Variants in SENP6 observed in about 807,000 individuals in gnomAD.
SENP6 encodes the protein sentrin-specific protease 6.
A neutral mutation model predicts 134.5 loss-of-function variants in SENP6; 41 were observed. That is an observed-to-expected ratio of 0.30 (90% CI 0.24 to 0.40). The LOEUF is 0.40. Ranked by LOEUF, SENP6 falls within the 10% of genes least tolerant of loss-of-function variation. The probability of loss-of-function intolerance (pLI) is 1.00; values close to 1 mark genes in which losing one functional copy is unlikely to be tolerated. For missense variants in SENP6, 1,248 were observed against 1,312.5 expected (o/e 0.95, Z 0.76); for synonymous variants, 395 against 429.8 (o/e 0.92, Z 1.00).
intron 7 of SENP6, among the ~76,000 whole-genome samples, chr6:75,653,335 T>A (rs1424574279): frequency 6.6e-6 from 1 of 152,146 alleles, no homozygotes; most frequent in Non-Finnish European, 1.5e-5. Flanking sequence ...CTGGCCTTAC[T>A]TTTTTCTAAT....
At chr6:75,709,922 C>G (rs773191480) in intron 20 of SENP6, among the ~76,000 whole-genome samples, 14 of 152,128 alleles carry the variant, frequency 9.2e-5, no homozygotes, top group African/African-American at 1.7e-4. Flanking sequence ...AAAACAAATT[C>G]AGCTTTCAAG....
At position 75,648,271 on chromosome 6, in the gene SENP6, A is replaced by AT. The variant is rs1261390076; in HGVS notation, c.550+475dup. Among the ~76,000 whole-genome samples, 5 of 152,278 alleles carry AT rather than the reference A, an allele frequency of 3.3e-5. No individual in the cohort carries two copies. In the East Asian group the frequency reaches 9.6e-4, roughly 29 times the overall value. ...TAAGTATTTATATTCATATTGAAAT[A>AT]TTTTTCAATATACTGGTTATTAATC... On this transcript the variant is annotated intron_variant, in intron 7 of 23. Transcript: ENST00000447266.
Position 75,703,180 on chromosome 6 carries a change from G to T in SENP6, c.2716+108G>T, listed in dbSNP as rs143212068. 20 of 942,464 alleles carry T rather than the reference G, an allele frequency of 2.1e-5. 1 individual carries two copies. Among genetic ancestry groups the T allele is most frequent in the Non-Finnish European group, 2.9e-5 (18 of 625,002 alleles). The allele number at this position is 942,464 out of a possible 1,614,324, so 58.4% of individuals were successfully genotyped here. ...AAAAAAAAATCAGGTTAATGACTGG[G>T]TGTGGTGGCTCACGCTTATAATCCC... is the stretch of plus-strand genomic sequence containing the variant. On this transcript the variant is annotated intron_variant, in intron 19 of 23. Transcript: ENST00000447266.
intron 1 of SENP6, among the ~76,000 whole-genome samples, chr6:75,607,841 G>T (rs575814386): frequency 6.6e-6 from 1 of 152,070 alleles, no homozygotes. Context: ...TAAACTCATT[G>T]CAGAACCCAA....
intron 1 of SENP6, among the ~76,000 whole-genome samples, chr6:75,608,825 G>A (rs965745430): frequency 1.3e-5 from 2 of 152,152 alleles, no homozygotes; most frequent in Admixed American, 1.3e-4. Context: ...TAAGCACTCC[G>A]TGTTACTTGA....
chr6:75,619,046 T>A (rs1412035518), intron 1 of SENP6, among the ~76,000 whole-genome samples: 1 of 151,964 alleles, frequency 6.6e-6, no homozygotes, highest in Non-Finnish European at 1.5e-5. Context: ...TAAAAGCAGT[T>A]TTTTATTGTG....
At chr6:75,609,262 C>G (rs2149818511) in intron 1 of SENP6, among the ~76,000 whole-genome samples, 1 of 152,124 alleles carries the variant, frequency 6.6e-6, no homozygotes, top group East Asian at 1.9e-4. Context: ...TCCTGTACCT[C>G]CCCCCAAAGG....
intron 7 of SENP6, among the ~76,000 whole-genome samples, chr6:75,656,031 G>T (rs1562012160): frequency 6.6e-6 from 1 of 151,796 alleles, no homozygotes; most frequent in Admixed American, 6.6e-5. Flanking sequence ...CCTGGCCAAC[G>T]TGGCGAAACC....
chr6:75,677,946 A>G (rs948702484), intron 14 of SENP6: 2 of 152,366 alleles, frequency 1.3e-5, no homozygotes, highest in Non-Finnish European at 2.9e-5. Context: ...CCACAGCGCA[A>G]TCTTGGTGAT....
At chr6:75,623,462 T>C (rs978993789) in intron 2 of SENP6, among the ~76,000 whole-genome samples, 1 of 152,246 alleles carries the variant, frequency 6.6e-6, no homozygotes, top group Non-Finnish European at 1.5e-5. Flanking sequence ...GGAATTACTT[T>C]CTTTTCATTA....
Position 75,709,622 on chromosome 6 carries a change from G to T in SENP6, c.2812G>T (p.Asp938Tyr). 6.2e-7 allele frequency: 1 copy of T among 1,612,654 alleles called. No individual in the cohort carries two copies. Among genetic ancestry groups the T allele is most frequent in the Non-Finnish European group, 8.5e-7 (1 of 1,178,864 alleles). ...ACTCGTCGACTTCTCAGAAGATCAG[G>T]ATAACCAGGTAAAACTTAATGCTTG... is the stretch of plus-strand genomic sequence containing the variant. The part of the protein sequence containing the change: ...DELVDFSEDQ[D>Y]NQDDSSDDGF... Residue 938 changes from aspartate (D) to tyrosine (Y), a missense_variant, in exon 20 of 24, where the codon GAT becomes TAT. Physicochemically the swap from Asp to Tyr is radical, Grantham distance 160. Around this residue, in one of 3 missense-constraint regions of SENP6, gnomAD observed 386 missense variants for 395.0 expected, o/e 0.98. Coordinates refer to ENST00000447266, the MANE Select transcript of SENP6 (RefSeq NM_015571.4).
intron 1 of SENP6, among the ~76,000 whole-genome samples, chr6:75,606,156 C>G (rs148927554): frequency 0.011 from 1,750 of 152,276 alleles, 21 homozygotes; most frequent in Admixed American, 0.034. Flanking sequence ...CATTTTTGCT[C>G]TGAAGTATGT....
chr6:75,693,188 A>G lies in SENP6; in HGVS notation c.2076-2616A>G, dbSNP rs139866102. Among the ~76,000 whole-genome samples the G allele has an allele frequency of 1.3e-3, 194 of 152,062 alleles. 1 individual carries two copies. The highest frequency in any genetic ancestry group is 4.4e-3 in the African/African-American group (182 of 41,494). ...GCCAGGGTGGGAGGATCATTTGAGG[A>G]ATGGAGTTCGAGACCAACCTGGCCA... On this transcript the variant is annotated intron_variant, in intron 16 of 23. Coordinates refer to ENST00000447266, the MANE Select transcript of SENP6 (RefSeq NM_015571.4).
chr6:75,653,733 G>A (rs1771095741), intron 7 of SENP6, among the ~76,000 whole-genome samples: 1 of 151,506 alleles, frequency 6.6e-6, no homozygotes, highest in African/African-American at 2.4e-5. Flanking sequence ...AGTTAGGTAT[G>A]ATTATTAATT....
intron 9 of SENP6, 105 bp from the exon 10 acceptor site, chr6:75,666,607 A>G: frequency 2.0e-6 from 1 of 503,342 alleles, no homozygotes; most frequent in Non-Finnish European, 2.9e-6. Context: ...AATTTAGGAT[A>G]TTTTCCACTT....
chr6:75,672,218 T>G (rs1772734257), intron 11 of SENP6, among the ~76,000 whole-genome samples: 1 of 152,220 alleles, frequency 6.6e-6, no homozygotes, highest in East Asian at 1.9e-4. Context: ...TTTTACGGCT[T>G]TCTCCCACAT....
Position 75,703,058 on chromosome 6 carries a change from C to G in SENP6, c.2702C>G (p.Ser901Cys). Residue 901 changes from serine (S) to cysteine (C), a missense_variant, in exon 19 of 24, where the codon TCC (serine) becomes TGC (cysteine). Physicochemically the swap from Ser to Cys is moderately radical, Grantham distance 112. Coordinates refer to ENST00000447266, the MANE Select transcript of SENP6 (RefSeq NM_015571.4). ...GGCCTACAGAATGAAAGTTTAAGTT[C>G]CACACATCATACAGGTATGTATCTA... The part of the protein sequence containing the change: ...ENGLQNESLS[S>C]THHTDGLSKI... 6.2e-7 allele frequency: 1 copy of G among 1,605,022 alleles called. No individual in the cohort carries two copies. Among genetic ancestry groups the G allele is most frequent in the Non-Finnish European group, 8.5e-7 (1 of 1,175,690 alleles).
chr6:75,614,974 T>C (rs1767743964), intron 1 of SENP6, among the ~76,000 whole-genome samples: 1 of 152,078 alleles, frequency 6.6e-6, no homozygotes, highest in South Asian at 2.1e-4. Flanking sequence ...CACTGCAATT[T>C]CCAGCTCCTG....
intron 19 of SENP6, among the ~76,000 whole-genome samples, chr6:75,706,801 TAGTA>T (rs1775431548): frequency 6.6e-6 from 1 of 152,202 alleles, no homozygotes; most frequent in African/African-American, 2.4e-5. Context: ...TAACAGGCTG[TAGTA>T]AATAAGTGGA....
Sources: gnomAD v4.1 joint callset for allele counts (sites outside exome capture counted in the v4.1 genomes callset) on GRCh38, gnomAD v4.1.1 for gene constraint, gnomAD v4.1.1 regional missense constraint, MANE v1.5 for transcripts, NCBI Gene and HGNC (gene_info 2026-07-23, HGNC 2026-07-21) for gene names.